ZNRF2: variants seen among roughly 807,000 people sequenced by gnomAD.
The protein encoded by ZNRF2 is E3 ubiquitin-protein ligase ZNRF2.
In ZNRF2, 16 loss-of-function variants were observed where a neutral mutation model predicts 20.4. That is an observed-to-expected ratio of 0.79 (90% CI 0.53 to 1.19). The LOEUF is 1.19. Ranked by LOEUF, ZNRF2 falls within the 50% of genes most tolerant of loss-of-function variation. The pLI, the probability that ZNRF2 is intolerant of heterozygous loss-of-function variation, is 0.00. For missense variants in ZNRF2, 363 were observed against 332.4 expected, an observed-to-expected ratio of 1.09 and a Z score of -0.72; for synonymous variants, 178 against 144.9, an observed-to-expected ratio of 1.23 and a Z score of -1.64.
At chr7:30,324,927 C>T (rs756188916) in intron 2 of ZNRF2, among the ~76,000 whole-genome samples, 4 of 152,054 alleles carry the variant, frequency 2.6e-5, no homozygotes, top group Non-Finnish European at 4.4e-5. Context: ...TAAGAGAAAC[C>T]CAAAACTCTA....
intron 2 of ZNRF2, among the ~76,000 whole-genome samples, chr7:30,327,908 A>G (rs542136890): frequency 1.3e-5 from 2 of 152,220 alleles, no homozygotes; most frequent in South Asian, 2.1e-4. Context: ...CAAAGTATGT[A>G]TTAATTGTAT....
intron 2 of ZNRF2, among the ~76,000 whole-genome samples, chr7:30,330,361 A>G (rs371667005): frequency 6.6e-6 from 1 of 152,210 alleles, no homozygotes; most frequent in Admixed American, 6.5e-5. Context: ...TAAAGTAAAC[A>G]TGTTTGAAGA....
chr7:30,356,888 G>A (rs1015829594), intron 3 of ZNRF2, among the ~76,000 whole-genome samples: 1 of 151,924 alleles, frequency 6.6e-6, no homozygotes, highest in Admixed American at 6.6e-5. Flanking sequence ...TATATTTTTA[G>A]TAGAAACGGG....
In ZNRF2 at chr7:30,298,508, A is replaced by C. The variant is rs141899183; in HGVS notation, c.469+12682A>C. 2.2e-3 allele frequency among the ~76,000 whole-genome samples: 328 copies of C among 152,332 alleles called. 6 individuals carry two copies. The highest frequency in any genetic ancestry group is 0.016 in the Admixed American group (246 of 15,296). On this transcript the variant is annotated intron_variant, in intron 1 of 4. Coordinates refer to ENST00000323037, the MANE Select transcript of ZNRF2 (RefSeq NM_147128.4). ...TTCTCTTGGGCTGGTCATATTTTCC[A>C]GAAATGGCTTTTCTTGCCTGGAATA...
chr7:30,287,924 A>G (rs1798822604), intron 1 of ZNRF2, among the ~76,000 whole-genome samples: 1 of 152,202 alleles, frequency 6.6e-6, no homozygotes. Flanking sequence ...GAATTGCTGG[A>G]AAGACATCAG....
At chr7:30,307,339 T>TTTG (rs1799225646) in intron 1 of ZNRF2, among the ~76,000 whole-genome samples, 1 of 143,240 alleles carries the variant, frequency 7.0e-6, no homozygotes, top group African/African-American at 2.5e-5. Context: ...TTTTTTTTTT[T>TTTG]TTTTTTTTTT....
intron 2 of ZNRF2, among the ~76,000 whole-genome samples, chr7:30,340,422 A>G (rs1799776657): frequency 6.6e-6 from 1 of 152,186 alleles, no homozygotes; most frequent in South Asian, 2.1e-4. Context: ...ACATTTCATC[A>G]ATACCTAGTT....
chr7:30,343,176 G>T (rs116953763), intron 2 of ZNRF2, among the ~76,000 whole-genome samples: 1 of 151,990 alleles, frequency 6.6e-6, no homozygotes, highest in East Asian at 1.9e-4. Flanking sequence ...TCAACCAAGC[G>T]TGGTGGTGCA....
chr7:30,333,334 A>G lies in ZNRF2; in HGVS notation c.565+9597A>G, dbSNP rs189864746. On this transcript the variant is annotated intron_variant, in intron 2 of 4. Transcript: ENST00000323037. ...CTCCCAAAAGGCTGGGATTACAGGC[A>G]TGAGCCACTGCGCCTGGCCATATTT... 5.1e-3 allele frequency among the ~76,000 whole-genome samples: 735 copies of G among 144,798 alleles called. 6 individuals carry two copies. Among genetic ancestry groups the G allele is most frequent in the African/African-American group, 0.018 (693 of 38,846 alleles). The allele number at this position is 144,798 out of a possible 152,430, so 95.0% of individuals were successfully genotyped here. A position where few individuals can be genotyped will look rare whatever the true frequency, so the allele number is the denominator to read the frequency against.
intron 1 of ZNRF2, among the ~76,000 whole-genome samples, chr7:30,308,450 T>C (rs1799242273): frequency 6.6e-6 from 1 of 152,204 alleles, no homozygotes; most frequent in Admixed American, 6.5e-5. Flanking sequence ...ACGAGCACCA[T>C]TGGTGGTGTC....
At chr7:30,303,180 G>A (rs1280302034) in intron 1 of ZNRF2, among the ~76,000 whole-genome samples, 3 of 151,668 alleles carry the variant, frequency 2.0e-5, no homozygotes, top group African/African-American at 7.3e-5. Context: ...CTAATCAGGA[G>A]GCTGAGGTGG....
intron 1 of ZNRF2, among the ~76,000 whole-genome samples, chr7:30,307,186 A>G (rs1351357406): frequency 6.6e-6 from 1 of 151,864 alleles, no homozygotes; most frequent in African/African-American, 2.4e-5. Flanking sequence ...GTTTGTGTGT[A>G]GACTGATAAA....
At chr7:30,348,753 T>TA (rs1799918488) in intron 2 of ZNRF2, among the ~76,000 whole-genome samples, 1 of 152,210 alleles carries the variant, frequency 6.6e-6, no homozygotes, top group Non-Finnish European at 1.5e-5. Flanking sequence ...CATTTATTGT[T>TA]ACAATTGTAC....
chr7:30,357,736 A>G (rs1390561450), intron 3 of ZNRF2, among the ~76,000 whole-genome samples: 2 of 152,180 alleles, frequency 1.3e-5, no homozygotes, highest in African/African-American at 4.8e-5. Context: ...ACAGGCCTAT[A>G]GAGACAATGT....
chr7:30,316,005 C>T (rs1462307746), intron 1 of ZNRF2, among the ~76,000 whole-genome samples: 3 of 151,838 alleles, frequency 2.0e-5, no homozygotes, highest in Non-Finnish European at 4.4e-5. Context: ...AAAGAATTGT[C>T]AGACTAGGCG....
intron 2 of ZNRF2, among the ~76,000 whole-genome samples, chr7:30,341,855 A>G (rs763839613): frequency 2.6e-5 from 4 of 152,070 alleles, no homozygotes; most frequent in Non-Finnish European, 5.9e-5. Flanking sequence ...GTGGGAGTCT[A>G]AGTCTCTGTA....
intron 1 of ZNRF2, among the ~76,000 whole-genome samples, chr7:30,292,037 C>G (rs1357398897): frequency 2.0e-5 from 3 of 151,988 alleles, no homozygotes; most frequent in African/African-American, 7.3e-5. Flanking sequence ...TGTAATTTTA[C>G]CACCAGAAAT....
intron 2 of ZNRF2, among the ~76,000 whole-genome samples, chr7:30,332,747 G>A (rs776248265): frequency 2.4e-4 from 37 of 152,186 alleles, no homozygotes; most frequent in Non-Finnish European, 2.4e-4. Context: ...TGGTGTATAT[G>A]TACCACTTTT....
At chr7:30,298,103 T>C (rs1426171016) in intron 1 of ZNRF2, among the ~76,000 whole-genome samples, 1 of 152,176 alleles carries the variant, frequency 6.6e-6, no homozygotes, top group Non-Finnish European at 1.5e-5. Context: ...ACTTAATTTT[T>C]AATGTTTTTA....
Sources: allele counts gnomAD v4.1 joint callset (sites outside exome capture counted in the v4.1 genomes callset), GRCh38; gene constraint gnomAD v4.1.1; transcripts MANE v1.5; gene names NCBI Gene and HGNC (gene_info 2026-07-23, HGNC 2026-07-21).